Variants in MRPS28 observed in about 807,000 individuals in gnomAD.
MRPS28 encodes small ribosomal subunit protein bS1m.
A neutral mutation model predicts 10.8 loss-of-function variants in MRPS28; 7 were observed. That is an observed-to-expected ratio of 0.65 (90% CI 0.37 to 1.22). The LOEUF (loss-of-function observed/expected upper bound fraction) is 1.22, where lower values mean the gene tolerates loss of function less well. MRPS28 is among the 50% of genes most tolerant of loss of function. MRPS28 has a pLI of 0.02. For missense variants in MRPS28, 265 were observed against 232.9 expected (o/e 1.14, Z -0.90); for synonymous variants, 121 against 93.3 (o/e 1.30, Z -1.71).
rs185654763 is a variant in MRPS28 at position 80,026,142 on chromosome 8, T to C, written c.213+3894A>G. On this transcript the variant is annotated intron_variant, in intron 1 of 2. Transcript: ENST00000276585. The stretch of plus-strand genomic sequence containing the variant: ...TTTTTCAAAAACCCTGAATACACAA[T>C]TGGCGTTTATTCATCTTGTAATCTC... 1.5e-4 allele frequency among the ~76,000 whole-genome samples: 23 copies of C among 152,296 alleles called. No homozygotes were observed. In the East Asian group the frequency reaches 3.9e-3, roughly 26 times the overall value.
At chr8:79,953,610 T>A (rs954194161) in intron 2 of MRPS28, among the ~76,000 whole-genome samples, 1 of 152,198 alleles carries the variant, frequency 6.6e-6, no homozygotes, top group Non-Finnish European at 1.5e-5. Context: ...ACAATAAAAC[T>A]TCTAAAATAT....
At chr8:79,995,619 T>C (rs997034451) in intron 2 of MRPS28, among the ~76,000 whole-genome samples, 4 of 152,176 alleles carry the variant, frequency 2.6e-5, no homozygotes, top group Non-Finnish European at 5.9e-5. Context: ...GGAGTCGACA[T>C]AGGCAAAACT....
chr8:79,997,210 A>G (rs1011527169), intron 2 of MRPS28, among the ~76,000 whole-genome samples: 1 of 152,230 alleles, frequency 6.6e-6, no homozygotes, highest in Non-Finnish European at 1.5e-5. Flanking sequence ...AGTGCTCTGT[A>G]TTTTTAAATT....
intron 1 of MRPS28, among the ~76,000 whole-genome samples, chr8:80,012,349 T>C (rs1440457012): frequency 6.6e-6 from 1 of 152,228 alleles, no homozygotes; most frequent in African/African-American, 2.4e-5. Flanking sequence ...GAACCATCTC[T>C]GAATCCTAGG....
intron 1 of MRPS28, among the ~76,000 whole-genome samples, chr8:80,014,526 T>G (rs755476824): frequency 6.6e-6 from 1 of 152,236 alleles, no homozygotes; most frequent in East Asian, 1.9e-4. Flanking sequence ...GGCTTGAACC[T>G]TGGCTCTACC....
At chr8:79,999,078 T>C (rs964990519) in intron 2 of MRPS28, among the ~76,000 whole-genome samples, 4 of 152,184 alleles carry the variant, frequency 2.6e-5, no homozygotes, top group African/African-American at 9.6e-5. Context: ...AAGGGCAGGC[T>C]GATGAATGAT....
In MRPS28 at chr8:80,003,179, C is replaced by A; in HGVS notation, c.215G>T (p.Gly72Val). 3 of 1,570,776 alleles carry A rather than the reference C, an allele frequency of 1.9e-6. No homozygotes were observed. Among genetic ancestry groups the A allele is most frequent in the Non-Finnish European group, 2.6e-6 (3 of 1,164,058 alleles). ...AAAGGATTCCACATTTTTTGGAGAA[C>A]CCTAAATATGAAAAGAGATATTTAT... ...LLQKVEPLQK[G>V]SPKNVESFAS... Residue 72 changes from glycine to valine, a missense_variant and splice_region_variant, in exon 2 of 3, where the codon GGT becomes GTT. Transcript: ENST00000276585.
intron 1 of MRPS28, 197 bp downstream of exon 1, chr8:80,029,839 G>A (rs1239110408): frequency 2.3e-5 from 35 of 1,534,126 alleles, no homozygotes; most frequent in Non-Finnish European, 2.9e-5. Flanking sequence ...CCACACAAAA[G>A]GACAACGAAA....
chr8:79,932,267 G>C (rs953193781), intron 2 of MRPS28, among the ~76,000 whole-genome samples: 5 of 152,116 alleles, frequency 3.3e-5, no homozygotes, highest in African/African-American at 1.2e-4. Flanking sequence ...GTGTTGTACA[G>C]AAAATAAAAA....
intron 2 of MRPS28, among the ~76,000 whole-genome samples, chr8:79,948,040 T>G (rs1274378685): frequency 6.6e-6 from 1 of 150,708 alleles, no homozygotes; most frequent in Non-Finnish European, 1.5e-5. Flanking sequence ...CAGGCTGGAG[T>G]GCAGTGGCGC....
chr8:79,919,983 T>C (rs986974397), intron 2 of MRPS28, among the ~76,000 whole-genome samples: 23 of 134,568 alleles, frequency 1.7e-4, no homozygotes, highest in Admixed American at 5.0e-4. Flanking sequence ...ATGTTCCCCT[T>C]CCTGTGTCCA....
chr8:79,984,072 T>G (rs1808069708), intron 2 of MRPS28, among the ~76,000 whole-genome samples: 1 of 151,930 alleles, frequency 6.6e-6, no homozygotes, highest in Non-Finnish European at 1.5e-5. Flanking sequence ...TAACAGCGGA[T>G]CTCTTGGCAG....
chr8:79,992,700 A>G (rs1303783760), intron 2 of MRPS28, among the ~76,000 whole-genome samples: 1 of 152,224 alleles, frequency 6.6e-6, no homozygotes, highest in Non-Finnish European at 1.5e-5. Flanking sequence ...TTATAGACAC[A>G]TACCCTGAAA....
At chr8:80,029,279 G>A (rs1017333381) in intron 1 of MRPS28, among the ~76,000 whole-genome samples, 2 of 152,130 alleles carry the variant, frequency 1.3e-5, no homozygotes, top group Non-Finnish European at 2.9e-5. Flanking sequence ...TATAACCCAG[G>A]ACACTGCCAG....
At position 79,918,848 on chromosome 8, in the gene MRPS28, A is replaced by G. The variant is rs768307140; in HGVS notation, c.*132T>C. ...GGGAATATTGCTAAAGAAAATTCTA[A>G]TAAGAGTTATCTATAATTATAGCTT... On this transcript the variant is annotated 3_prime_UTR_variant, in exon 3 of 3. Transcript: ENST00000276585. 9.2e-6 allele frequency: 6 copies of G among 652,338 alleles called. No individual in the cohort carries two copies. The highest frequency in any genetic ancestry group is 7.3e-5 in the Admixed American group (2 of 27,256). 40.4% of individuals were successfully genotyped at this position (652,338 alleles called of 1,614,324 possible).
chr8:80,004,850 A>G (rs574476130), intron 1 of MRPS28, among the ~76,000 whole-genome samples: 161 of 152,384 alleles, frequency 1.1e-3, no homozygotes, highest in Middle Eastern at 3.4e-3. Context: ...CACAAGCTTC[A>G]GTAGCTGATT....
At chr8:79,946,619 TACA>T (rs1806926986) in intron 2 of MRPS28, among the ~76,000 whole-genome samples, 1 of 152,162 alleles carries the variant, frequency 6.6e-6, no homozygotes, top group South Asian at 2.1e-4. Flanking sequence ...CCATTATATT[TACA>T]ATGATTATCT....
chr8:79,938,394 T>C (rs1310772003), intron 2 of MRPS28, among the ~76,000 whole-genome samples: 1 of 150,980 alleles, frequency 6.6e-6, no homozygotes, highest in Non-Finnish European at 1.5e-5. Flanking sequence ...AGAGGTAGGA[T>C]TCCACCCTGT....
chr8:79,928,455 A>ATATATT (rs561844055), intron 2 of MRPS28, among the ~76,000 whole-genome samples: 1 of 151,566 alleles, frequency 6.6e-6, no homozygotes, highest in African/African-American at 2.4e-5. Flanking sequence ...ATATATATAT[A>ATATATT]TTTTTTGAGA....
Sources: allele counts gnomAD v4.1 joint callset (sites outside exome capture counted in the v4.1 genomes callset), GRCh38; gene constraint gnomAD v4.1.1; transcripts MANE v1.5; gene names NCBI Gene and HGNC (gene_info 2026-07-23, HGNC 2026-07-21).